The following GLRB variants were observed in gnomAD, a reference collection of about 807,000 sequenced individuals.
The protein encoded by GLRB is glycine receptor subunit beta.
Under a neutral mutation model 54.2 loss-of-function variants are expected in GLRB, and 33 were observed. The observed-to-expected ratio is 0.61, with a 90% CI of 0.46 to 0.81. The LOEUF (loss-of-function observed/expected upper bound fraction) is 0.81. GLRB is among the 40% of genes least tolerant of loss of function. GLRB has a pLI of 0.00. For missense variants in GLRB, 572 were observed against 584.6 expected, an observed-to-expected ratio of 0.98 and a Z score of 0.22; for synonymous variants, 209 against 208.2, an observed-to-expected ratio of 1.00 and a Z score of -0.03.
chr4:157,110,759 G>A lies in GLRB; in HGVS notation c.123-9797G>A, dbSNP rs376874390. Among the ~76,000 whole-genome samples the A allele has an allele frequency of 1.6e-4, 24 of 151,998 alleles. 1 individual carries two copies. In the South Asian group the frequency reaches 1.7e-3, roughly 11 times the overall value. ...ATCTCCCAGTTTCCACAGATTGATC[G>A]TGTGCTAGAGAAGACCTTCACCATT... On this transcript the variant is annotated intron_variant, in intron 2 of 9. Coordinates refer to ENST00000264428, the MANE Select transcript of GLRB (RefSeq NM_000824.5).
chr4:157,120,794 C>CAAAA (rs1226989052), intron 3 of GLRB, 132 bp downstream of exon 3: 1 of 520,686 alleles, frequency 1.9e-6, no homozygotes. Context: ...TGATATATAA[C>CAAAA]AAAAATGTCC....
At chr4:157,129,796 A>G (rs970876526) in intron 4 of GLRB, among the ~76,000 whole-genome samples, 6 of 151,558 alleles carry the variant, frequency 4.0e-5, no homozygotes, top group Non-Finnish European at 5.9e-5. Flanking sequence ...GTGCAGCTTA[A>G]AGCAAGAAGA....
intron 9 of GLRB, among the ~76,000 whole-genome samples, chr4:157,165,790 C>G (rs995299615): frequency 6.6e-6 from 1 of 151,794 alleles, no homozygotes; most frequent in Admixed American, 6.6e-5. Flanking sequence ...GTGCCATACA[C>G]AAAGGTTTTA....
At chr4:157,139,164 C>T (rs958625629) in intron 7 of GLRB, among the ~76,000 whole-genome samples, 1 of 151,958 alleles carries the variant, frequency 6.6e-6, no homozygotes, top group East Asian at 1.9e-4. Flanking sequence ...CTTGATTTTT[C>T]TTTATGTAAT....
At chr4:157,116,823 T>A (rs2126521021) in intron 2 of GLRB, among the ~76,000 whole-genome samples, 1 of 151,844 alleles carries the variant, frequency 6.6e-6, no homozygotes, top group South Asian at 2.1e-4. Flanking sequence ...GTATTTCTAA[T>A]ACAAATAAAT....
At chr4:157,147,958 T>G (rs549464384) in intron 8 of GLRB, among the ~76,000 whole-genome samples, 1 of 152,302 alleles carries the variant, frequency 6.6e-6, no homozygotes. Flanking sequence ...AAACAAAACT[T>G]TATTTATAAA....
At chr4:157,099,355 T>C (rs1001816258) in intron 2 of GLRB, among the ~76,000 whole-genome samples, 33 of 150,672 alleles carry the variant, frequency 2.2e-4, no homozygotes, top group South Asian at 4.2e-4. Context: ...TTTTTTTTTT[T>C]CGAGACAAAG....
At chr4:157,142,237 G>T (rs917592879) in intron 7 of GLRB, among the ~76,000 whole-genome samples, 2 of 151,956 alleles carry the variant, frequency 1.3e-5, no homozygotes, top group African/African-American at 2.4e-5. Context: ...GAAAAGAAAG[G>T]GAGATTTTTC....
intron 4 of GLRB, among the ~76,000 whole-genome samples, chr4:157,130,770 T>C (rs1736185426): frequency 1.3e-5 from 2 of 151,570 alleles, no homozygotes; most frequent in Admixed American, 1.3e-4. Flanking sequence ...ATACCTAGGA[T>C]TGGAATTGCT....
At chr4:157,107,412 G>T (rs1735266170) in intron 2 of GLRB, among the ~76,000 whole-genome samples, 1 of 152,082 alleles carries the variant, frequency 6.6e-6, no homozygotes, top group African/African-American at 2.4e-5. Context: ...AAAAGTTCTA[G>T]AAGGAAATTA....
chr4:157,088,457 A>C (rs1356142560), intron 2 of GLRB, among the ~76,000 whole-genome samples: 1 of 152,100 alleles, frequency 6.6e-6, no homozygotes, highest in African/African-American at 2.4e-5. Context: ...GTCTTGGCTA[A>C]GTCTTCATTT....
intron 2 of GLRB, among the ~76,000 whole-genome samples, chr4:157,110,623 C>T (rs1044607119): frequency 4.6e-5 from 7 of 151,876 alleles, no homozygotes; most frequent in African/African-American, 7.3e-5. Flanking sequence ...TATTTCCATT[C>T]GGGTTGGTTT....
At chr4:157,093,801 C>T (rs1015956357) in intron 2 of GLRB, among the ~76,000 whole-genome samples, 23 of 149,052 alleles carry the variant, frequency 1.5e-4, no homozygotes, top group Non-Finnish European at 2.8e-4. Context: ...CTTGGCTCTG[C>T]TTTCAAGGGA....
At position 157,153,030 on chromosome 4, in the gene GLRB, A is replaced by G. The variant is rs761762172; in HGVS notation, c.1197+20A>G. 3.6e-5 allele frequency: 57 copies of G among 1,597,344 alleles called. No individual in the cohort carries two copies. In the Admixed American group the frequency reaches 9.5e-4, roughly 27 times the overall value. Reference sequence around the variant, plus strand: ...TTGCAGGTAAGGATAAAATTATGCCATGAAATCATTTCCCCCAACCACTTC... The same window carrying G: ...TTGCAGGTAAGGATAAAATTATGCCGTGAAATCATTTCCCCCAACCACTTC... On this transcript the variant is annotated intron_variant, in intron 9 of 9. Coordinates refer to ENST00000264428, the MANE Select transcript of GLRB (RefSeq NM_000824.5).
chr4:157,169,087 A>G (rs1337770207), intron 9 of GLRB, among the ~76,000 whole-genome samples: 3 of 152,092 alleles, frequency 2.0e-5, no homozygotes, highest in Admixed American at 6.6e-5. Context: ...TGTGTGAGGT[A>G]TAGTGTTTTT....
intron 8 of GLRB, among the ~76,000 whole-genome samples, chr4:157,148,761 A>G (rs1736908968): frequency 6.6e-6 from 1 of 152,076 alleles, no homozygotes; most frequent in Non-Finnish European, 1.5e-5. Flanking sequence ...AGCCCATTCT[A>G]GCATATGCCT....
At chr4:157,078,246 A>C (rs1456532655) in intron 2 of GLRB, 100 bp downstream of exon 2, 2 of 1,566,784 alleles carry the variant, frequency 1.3e-6, no homozygotes, top group Admixed American at 1.8e-5. Context: ...AAAACTTTTC[A>C]TATCGGAATG....
chr4:157,123,140 T>C (rs1207398959), intron 4 of GLRB, among the ~76,000 whole-genome samples: 1 of 151,772 alleles, frequency 6.6e-6, no homozygotes, highest in Admixed American at 6.6e-5. Flanking sequence ...AATATTAAAT[T>C]TGTGCTCTTT....
chr4:157,111,010 G>T (rs765492470), intron 2 of GLRB, among the ~76,000 whole-genome samples: 1 of 151,878 alleles, frequency 6.6e-6, no homozygotes, highest in Non-Finnish European at 1.5e-5. Flanking sequence ...TGTTTTTTAC[G>T]TGCTCACTCT....
Sources: gnomAD v4.1 joint callset for allele counts (sites outside exome capture counted in the v4.1 genomes callset) on GRCh38, gnomAD v4.1.1 for gene constraint, MANE v1.5 for transcripts, NCBI Gene and HGNC (gene_info 2026-07-23, HGNC 2026-07-21) for gene names.